The following GRID2 variants were observed in gnomAD, a reference collection of about 807,000 sequenced individuals.
GRID2 encodes the protein glutamate receptor ionotropic, delta-2.
A neutral mutation model predicts 114.8 loss-of-function variants in GRID2; 33 were observed. The observed-to-expected ratio is 0.29, with a 90% CI of 0.22 to 0.38. GRID2 has a LOEUF of 0.38. Ranked by LOEUF, GRID2 falls within the 10% of genes least tolerant of loss-of-function variation. The pLI is 1.00. For synonymous variants in GRID2, 505 were observed against 449.9 expected, an observed-to-expected ratio of 1.12 and a Z score of -1.55; for missense variants, 1,184 against 1,257.7, an observed-to-expected ratio of 0.94 and a Z score of 0.89.
intron 12 of GRID2, among the ~76,000 whole-genome samples, chr4:93,496,850 G>T (rs1488882976): frequency 6.6e-6 from 1 of 151,830 alleles, no homozygotes; most frequent in Non-Finnish European, 1.5e-5. Flanking sequence ...TTACATGGCA[G>T]TTTTCTGTGG....
intron 13 of GRID2, among the ~76,000 whole-genome samples, chr4:93,614,967 T>A (rs1741449084): frequency 6.6e-6 from 1 of 152,230 alleles, no homozygotes; most frequent in Non-Finnish European, 1.5e-5. Context: ...TTTTGGGGCT[T>A]CCTTTTCTTT....
intron 1 of GRID2, among the ~76,000 whole-genome samples, chr4:92,448,278 G>A (rs901954775): frequency 1.3e-5 from 2 of 151,956 alleles, no homozygotes; most frequent in African/African-American, 4.8e-5. Flanking sequence ...GGGTTCAAGT[G>A]ATTCTCCTGT....
chr4:93,330,045 C>T (rs1391723760), intron 8 of GRID2, among the ~76,000 whole-genome samples: 1 of 152,036 alleles, frequency 6.6e-6, no homozygotes, highest in Admixed American at 6.6e-5. Flanking sequence ...TAGTTCTGTT[C>T]CTTTACTCAT....
intron 2 of GRID2, among the ~76,000 whole-genome samples, chr4:92,645,485 T>A (rs1248221957): frequency 6.6e-6 from 1 of 151,842 alleles, no homozygotes; most frequent in East Asian, 1.9e-4. Context: ...CAAATTTTCT[T>A]AACAGTACTT....
chr4:93,260,092 A>T (rs890306964), intron 8 of GRID2, among the ~76,000 whole-genome samples: 1 of 151,724 alleles, frequency 6.6e-6, no homozygotes, highest in Non-Finnish European at 1.5e-5. Flanking sequence ...TTGTGATTTT[A>T]TTACATATAA....
chr4:93,507,110 C>T (rs1728708371), intron 12 of GRID2, among the ~76,000 whole-genome samples: 1 of 152,172 alleles, frequency 6.6e-6, no homozygotes, highest in South Asian at 2.1e-4. Context: ...CCTGAGCCTA[C>T]TTTCATTAAA....
At chr4:92,760,158 G>A (rs1159243529) in intron 2 of GRID2, among the ~76,000 whole-genome samples, 2 of 142,096 alleles carry the variant, frequency 1.4e-5, no homozygotes, top group Non-Finnish European at 3.0e-5. Context: ...AGAACCACTT[G>A]AACCTGGGAG....
At chr4:93,338,809 G>A (rs1375106727) in intron 8 of GRID2, among the ~76,000 whole-genome samples, 2 of 151,974 alleles carry the variant, frequency 1.3e-5, no homozygotes, top group Non-Finnish European at 2.9e-5. Flanking sequence ...TTCTCTCCCT[G>A]TAGTAGCCTG....
chr4:93,226,223 C>G (rs774112320), intron 7 of GRID2, among the ~76,000 whole-genome samples: 3 of 152,084 alleles, frequency 2.0e-5, no homozygotes, highest in Non-Finnish European at 2.9e-5. Flanking sequence ...AGCATTAACT[C>G]AAAAGTCCAC....
At chr4:92,468,931 G>C (rs1721888653) in intron 1 of GRID2, among the ~76,000 whole-genome samples, 1 of 152,126 alleles carries the variant, frequency 6.6e-6, no homozygotes, top group African/African-American at 2.4e-5. Flanking sequence ...CAGAGACAAG[G>C]CACTGTGAAG....
intron 4 of GRID2, among the ~76,000 whole-genome samples, chr4:93,150,852 C>A (rs905215253): frequency 6.6e-6 from 1 of 151,900 alleles, no homozygotes; most frequent in African/African-American, 2.4e-5. Flanking sequence ...AGAGGTCGGG[C>A]GCGGTGGCTC....
chr4:93,390,073 G>GC (rs1764707493), intron 8 of GRID2, among the ~76,000 whole-genome samples: 1 of 152,156 alleles, frequency 6.6e-6, no homozygotes, highest in Non-Finnish European at 1.5e-5. Flanking sequence ...ACAGGCGTGA[G>GC]CCACCGCACC....
intron 8 of GRID2, among the ~76,000 whole-genome samples, chr4:93,289,741 G>A (rs979485759): frequency 1.3e-5 from 2 of 152,070 alleles, no homozygotes; most frequent in African/African-American, 4.8e-5. Context: ...ATTTTCTTCT[G>A]TGTGCCCCAC....
At chr4:93,405,128 A>G (rs934666488) in intron 9 of GRID2, among the ~76,000 whole-genome samples, 1 of 152,156 alleles carries the variant, frequency 6.6e-6, no homozygotes, top group Non-Finnish European at 1.5e-5. Context: ...TGTAATCAGT[A>G]GACATAGCTC....
intron 13 of GRID2, among the ~76,000 whole-genome samples, chr4:93,537,886 T>C (rs1423648347): frequency 6.6e-6 from 1 of 151,830 alleles, no homozygotes; most frequent in Non-Finnish European, 1.5e-5. Flanking sequence ...ATATAGGTTC[T>C]TTTTATCTCG....
At chr4:92,321,796 T>C (rs1295370035) in intron 1 of GRID2, among the ~76,000 whole-genome samples, 2 of 152,138 alleles carry the variant, frequency 1.3e-5, no homozygotes, top group Admixed American at 1.3e-4. Flanking sequence ...CAGAGTAGGA[T>C]AGAGTAGGAA....
At chr4:93,725,480 A>G (rs529185872) in intron 14 of GRID2, among the ~76,000 whole-genome samples, 6,249 of 151,806 alleles carry the variant, frequency 0.041, 210 homozygotes, top group African/African-American at 0.083. Context: ...ATGATTTATA[A>G]TCCTTTGGGT....
At chr4:92,977,628 A>G (rs148580572) in intron 2 of GRID2, among the ~76,000 whole-genome samples, 28 of 152,260 alleles carry the variant, frequency 1.8e-4, no homozygotes, top group Middle Eastern at 3.4e-3. Context: ...TGAAGAATCA[A>G]TTGTAGGAAG....
At chr4:92,687,726 G>T (rs1376257047) in intron 2 of GRID2, among the ~76,000 whole-genome samples, 1 of 152,034 alleles carries the variant, frequency 6.6e-6, no homozygotes, top group Non-Finnish European at 1.5e-5. Context: ...CTACTCAGGA[G>T]GCTGAGGCAG....
Sources: allele counts gnomAD v4.1 joint callset (sites outside exome capture counted in the v4.1 genomes callset), GRCh38; gene constraint gnomAD v4.1.1; transcripts MANE v1.5; gene names NCBI Gene and HGNC (gene_info 2026-07-23, HGNC 2026-07-21).